The following OSBPL9 variants were observed in gnomAD, a reference collection of about 807,000 sequenced individuals.
The protein encoded by OSBPL9 is oxysterol-binding protein-related protein 9.
Under a neutral mutation model 106.6 loss-of-function variants are expected in OSBPL9, and 40 were observed. That is an observed-to-expected ratio of 0.38 (90% CI 0.29 to 0.49). The LOEUF (loss-of-function observed/expected upper bound fraction) is 0.49, where lower values mean the gene tolerates loss of function less well. Ranked by LOEUF, OSBPL9 falls within the 20% of genes least tolerant of loss-of-function variation. The pLI, the probability that OSBPL9 is intolerant of heterozygous loss-of-function variation, is 0.97. For synonymous variants in OSBPL9, 269 were observed against 295.4 expected (o/e 0.91, Z 0.92); for missense variants, 609 against 887.2 (o/e 0.69, Z 3.98).
the OSBPL9 span, chr1:51,519,193 C>T: frequency 1.4e-6 from 2 of 1,422,672 alleles, no homozygotes; most frequent in Non-Finnish European, 1.9e-6. Flanking sequence ...GGGCGTGTGG[C>T]GTTACCTGTG....
chr1:51,540,868 A>C, the OSBPL9 span, among the ~76,000 whole-genome samples: 2 of 151,442 alleles, frequency 1.3e-5, no homozygotes, highest in African/African-American at 4.8e-5. Flanking sequence ...CTGAGGCAGG[A>C]GAATTGCTTG....
chr1:51,725,145 G>A (rs1278575579), intron 4 of OSBPL9, among the ~76,000 whole-genome samples: 1 of 148,296 alleles, frequency 6.7e-6, no homozygotes, highest in African/African-American at 2.5e-5. Flanking sequence ...TTTGCTTCTC[G>A]GTTTTGTAGG....
At chr1:51,662,557 A>G (rs747564431) in intron 2 of OSBPL9, among the ~76,000 whole-genome samples, 2 of 152,162 alleles carry the variant, frequency 1.3e-5, no homozygotes, top group Non-Finnish European at 2.9e-5. Context: ...AGTCCTAGCC[A>G]ATGAATAAAG....
intron 1 of OSBPL9, among the ~76,000 whole-genome samples, chr1:51,645,460 G>A (rs1646094558): frequency 6.6e-6 from 1 of 151,290 alleles, no homozygotes; most frequent in African/African-American, 2.4e-5. Flanking sequence ...TCACTTTCTT[G>A]GTAGTGTTTT....
chr1:51,753,075 G>A (rs1293527136), intron 8 of OSBPL9, among the ~76,000 whole-genome samples: 1 of 152,098 alleles, frequency 6.6e-6, no homozygotes, highest in African/African-American at 2.4e-5. Flanking sequence ...TTCACTATAT[G>A]TATGATTTTT....
chr1:51,640,823 G>T (rs1645743312), intron 1 of OSBPL9, among the ~76,000 whole-genome samples: 1 of 151,030 alleles, frequency 6.6e-6, no homozygotes, highest in East Asian at 1.9e-4. Flanking sequence ...TTTGAAACAG[G>T]CTCTCACTCT....
chr1:51,686,572 G>A (rs1653856374), intron 3 of OSBPL9, among the ~76,000 whole-genome samples: 2 of 152,182 alleles, frequency 1.3e-5, no homozygotes, highest in Admixed American at 1.3e-4. Flanking sequence ...TGTGCTTAGT[G>A]TATATCCATG....
intron 2 of OSBPL9, among the ~76,000 whole-genome samples, chr1:51,598,702 G>C (rs376253444): frequency 6.6e-6 from 1 of 152,302 alleles, no homozygotes; most frequent in South Asian, 2.1e-4. Context: ...TTTAAAAGGA[G>C]TGTGACATGG....
intron 3 of OSBPL9, among the ~76,000 whole-genome samples, chr1:51,713,239 T>C (rs1571266190): frequency 6.6e-6 from 1 of 152,116 alleles, no homozygotes; most frequent in Admixed American, 6.5e-5. Flanking sequence ...AACCTCCGCC[T>C]CCCGGGTTCA....
intron 3 of OSBPL9, among the ~76,000 whole-genome samples, chr1:51,708,693 C>T (rs1659160351): frequency 6.6e-6 from 1 of 152,024 alleles, no homozygotes; most frequent in Non-Finnish European, 1.5e-5. Context: ...CTTTCAGTCT[C>T]GTATATTCGA....
the OSBPL9 span, among the ~76,000 whole-genome samples, chr1:51,530,185 A>AAAAAAAAAAAAAAAAAAC: frequency 9.8e-6 from 1 of 101,656 alleles, no homozygotes; most frequent in African/African-American, 4.7e-5. Context: ...AAAAAAAAAA[A>AAAAAAAAAAAAAAAAAAC]AAAAAAACAA....
At chr1:51,553,866 CAG>C in the OSBPL9 span, among the ~76,000 whole-genome samples, 1 of 152,042 alleles carries the variant, frequency 6.6e-6, no homozygotes, top group Non-Finnish European at 1.5e-5. Flanking sequence ...TTAATAGAGA[CAG>C]GGGTTTCTCC....
chr1:51,567,621 C>G, the OSBPL9 span: 1 of 152,220 alleles, frequency 6.6e-6, no homozygotes, highest in Non-Finnish European at 1.5e-5. Flanking sequence ...CAGCATTTCT[C>G]TAGATCTACT....
At chr1:51,564,181 C>A in the OSBPL9 span, among the ~76,000 whole-genome samples, 6 of 151,976 alleles carry the variant, frequency 3.9e-5, no homozygotes, top group African/African-American at 1.4e-4. Context: ...CCATCATCAT[C>A]TATATGAAGG....
the OSBPL9 span, among the ~76,000 whole-genome samples, chr1:51,531,394 T>C: frequency 1.3e-5 from 2 of 152,184 alleles, no homozygotes; most frequent in Admixed American, 1.3e-4. Context: ...ATTATTGCAA[T>C]AATCCAGATA....
chr1:51,567,116 C>G, the OSBPL9 span: 1 of 152,236 alleles, frequency 6.6e-6, no homozygotes, highest in Non-Finnish European at 1.5e-5. Context: ...ATTGTCTTAT[C>G]ACTTCACAAG....
chr1:51,711,142 A>G (rs1206260597), intron 3 of OSBPL9, among the ~76,000 whole-genome samples: 2 of 151,604 alleles, frequency 1.3e-5, no homozygotes, highest in Non-Finnish European at 2.9e-5. Flanking sequence ...CGATTTCTCA[A>G]TCTTTTCCCC....
intron 3 of OSBPL9, among the ~76,000 whole-genome samples, chr1:51,712,079 T>G (rs2148888189): frequency 6.6e-6 from 1 of 151,928 alleles, no homozygotes; most frequent in Admixed American, 6.5e-5. Flanking sequence ...AGGTGTAGGT[T>G]GTAGCGAGCC....
chr1:51,637,411 T>C (rs186994665), intron 1 of OSBPL9, among the ~76,000 whole-genome samples: 2 of 151,106 alleles, frequency 1.3e-5, no homozygotes, highest in African/African-American at 4.9e-5. Flanking sequence ...AATCAGAGGC[T>C]ACAGTGAGCC....
Sources: gnomAD v4.1 joint callset for allele counts (sites outside exome capture counted in the v4.1 genomes callset) on GRCh38, gnomAD v4.1.1 for gene constraint, MANE v1.5 for transcripts, NCBI Gene and HGNC (gene_info 2026-07-23, HGNC 2026-07-21) for gene names.